The following TMEM132B variants were observed in gnomAD, a reference collection of about 807,000 sequenced individuals.
TMEM132B encodes transmembrane protein 132B.
In TMEM132B, 18 loss-of-function variants were observed where a neutral mutation model predicts 90.8. The ratio of observed to expected loss-of-function variants is 0.20; its 90% CI spans 0.14 to 0.29. The LOEUF (loss-of-function observed/expected upper bound fraction) is 0.29. Ranked by LOEUF, TMEM132B falls within the 10% of genes least tolerant of loss-of-function variation. The pLI, the probability that TMEM132B is intolerant of heterozygous loss-of-function variation, is 1.00. For missense variants in TMEM132B, 1,096 were observed against 1,326.8 expected, an observed-to-expected ratio of 0.83 and a Z score of 2.70; for synonymous variants, 504 against 523.3, an observed-to-expected ratio of 0.96 and a Z score of 0.50.
rs757482623 is a variant in TMEM132B, at chr12:125,498,850, G to C, written c.1107-20589G>C. Among the ~76,000 whole-genome samples, 1 of 152,166 alleles carries C rather than the reference G, an allele frequency of 6.6e-6. No homozygotes were observed. The highest frequency in any genetic ancestry group is 1.5e-5 in the Non-Finnish European group (1 of 68,026). On this transcript the variant is annotated intron_variant, in intron 3 of 8. Transcript: ENST00000682704. The surrounding 1 kb of genome is among the most constrained non-coding windows in gnomAD (Gnocchi z 4.5). ...ATTGCTTTCATTTCTAGTAAATCAG[G>C]TCTCCTGCCCAAAGGGCATGCAGGT...
At chr12:125,229,066 A>G (rs996233577) in intron 1 of TMEM132B, among the ~76,000 whole-genome samples, 3 of 152,220 alleles carry the variant, frequency 2.0e-5, no homozygotes, top group African/African-American at 7.2e-5. Flanking sequence ...GAGGGCAGAC[A>G]GGGAGCTGGA....
intron 3 of TMEM132B, among the ~76,000 whole-genome samples, chr12:125,439,570 T>G (rs1880807724): frequency 6.6e-6 from 1 of 152,188 alleles, no homozygotes; most frequent in African/African-American, 2.4e-5. Flanking sequence ...GCTTTTGGGC[T>G]GAGATTATGA....
chr12:125,290,579 G>A (rs772236513), intron 1 of TMEM132B, among the ~76,000 whole-genome samples: 26 of 152,228 alleles, frequency 1.7e-4, no homozygotes, highest in Admixed American at 3.3e-4. Context: ...ATATCCTTCC[G>A]CAATGTGTTC....
intron 6 of TMEM132B, among the ~76,000 whole-genome samples, chr12:125,645,150 G>A (rs1886730203): frequency 6.6e-6 from 1 of 150,630 alleles, no homozygotes; most frequent in South Asian, 2.1e-4. Context: ...CCCGGGAGGC[G>A]GAGCTTGCAG....
At chr12:125,598,094 G>A (rs1885486498) in intron 5 of TMEM132B, among the ~76,000 whole-genome samples, 1 of 152,186 alleles carries the variant, frequency 6.6e-6, no homozygotes, top group African/African-American at 2.4e-5. Context: ...TATGATGAAG[G>A]AAGCTGTGTT....
chr12:125,191,700 G>A (rs775204146), intron 1 of TMEM132B, among the ~76,000 whole-genome samples: 6 of 152,200 alleles, frequency 3.9e-5, no homozygotes, highest in Non-Finnish European at 8.8e-5. Context: ...AAACACATCA[G>A]AGTCAACTCT....
At chr12:125,248,206 C>T (rs552759395) in intron 1 of TMEM132B, among the ~76,000 whole-genome samples, 54 of 152,254 alleles carry the variant, frequency 3.5e-4, no homozygotes, top group African/African-American at 1.2e-3. Context: ...TTCTGAGGTT[C>T]CCTGATCTTG....
chr12:125,592,186 T>A (rs1885332740), intron 5 of TMEM132B, among the ~76,000 whole-genome samples: 1 of 152,250 alleles, frequency 6.6e-6, no homozygotes, highest in African/African-American at 2.4e-5. Context: ...TGTGTCTATC[T>A]TTTTTACTTC....
chr12:125,302,906 G>T (rs1285542113), intron 1 of TMEM132B, among the ~76,000 whole-genome samples: 4 of 152,080 alleles, frequency 2.6e-5, no homozygotes, highest in Non-Finnish European at 5.9e-5. Context: ...AGACCAGCCT[G>T]GCCAACATGG....
intron 2 of TMEM132B, among the ~76,000 whole-genome samples, chr12:125,371,983 C>T (rs1219320417): frequency 1.3e-5 from 2 of 152,170 alleles, no homozygotes; most frequent in Non-Finnish European, 2.9e-5. Flanking sequence ...CAGAATATTT[C>T]AGAAAAAATC....
chr12:125,432,010 C>T (rs923927470), intron 3 of TMEM132B, among the ~76,000 whole-genome samples: 1 of 151,964 alleles, frequency 6.6e-6, no homozygotes, highest in Non-Finnish European at 1.5e-5. Flanking sequence ...TTTAAACGCC[C>T]TTTTTCCTGT....
chr12:125,333,437 A>C (rs1876856131), intron 1 of TMEM132B, among the ~76,000 whole-genome samples: 1 of 152,252 alleles, frequency 6.6e-6, no homozygotes, highest in South Asian at 2.1e-4. Flanking sequence ...ACATACGGCA[A>C]ATAGAATTAA....
chr12:125,257,868 C>G (rs1005606617), intron 1 of TMEM132B, among the ~76,000 whole-genome samples: 3 of 152,190 alleles, frequency 2.0e-5, no homozygotes, highest in Admixed American at 2.0e-4. Flanking sequence ...GAATTCTTCC[C>G]TAGGGCCTCT....
intron 5 of TMEM132B, chr12:125,584,871 T>C (rs1327473726): frequency 2.0e-5 from 3 of 152,212 alleles, no homozygotes; most frequent in Non-Finnish European, 2.9e-5. Context: ...CCTTCCTCCT[T>C]TAAATTATTA....
intron 1 of TMEM132B, among the ~76,000 whole-genome samples, chr12:125,311,127 G>A (rs1273661517): frequency 6.6e-6 from 1 of 152,168 alleles, no homozygotes; most frequent in Non-Finnish European, 1.5e-5. Flanking sequence ...GTGTACTGGG[G>A]TTTGCAGAAG....
At chr12:125,574,571 C>A (rs775471844) in intron 4 of TMEM132B, among the ~76,000 whole-genome samples, 1 of 152,068 alleles carries the variant, frequency 6.6e-6, no homozygotes, top group East Asian at 1.9e-4. Context: ...CGTAAGGAAT[C>A]GTGACCATTT....
intron 5 of TMEM132B, among the ~76,000 whole-genome samples, chr12:125,609,289 C>T (rs190956082): frequency 2.0e-5 from 3 of 152,224 alleles, no homozygotes; most frequent in African/African-American, 7.2e-5. Flanking sequence ...AATCATATGT[C>T]TATCTTATGT....
intron 3 of TMEM132B, among the ~76,000 whole-genome samples, chr12:125,465,788 T>C (rs952203210): frequency 1.3e-5 from 2 of 152,266 alleles, no homozygotes. Context: ...GTCAGTCATT[T>C]TATAAACAAT....
intron 1 of TMEM132B, among the ~76,000 whole-genome samples, chr12:125,318,963 T>C (rs112413341): frequency 3.5e-4 from 54 of 152,342 alleles, no homozygotes; most frequent in African/African-American, 1.2e-3. Context: ...GTCCTTGGCC[T>C]CTCTTGCTGG....
Sources: allele counts gnomAD v4.1 joint callset (sites outside exome capture counted in the v4.1 genomes callset), GRCh38; gene constraint gnomAD v4.1.1; non-coding constraint Gnocchi (gnomAD v3.1); transcripts MANE v1.5; gene names NCBI Gene and HGNC (gene_info 2026-07-23, HGNC 2026-07-21).